PTPRZ1: variants seen among roughly 807,000 people sequenced by gnomAD.
PTPRZ1 encodes the protein protein tyrosine phosphatase receptor type Z1, also known as receptor-type tyrosine-protein phosphatase zeta.
In PTPRZ1, 82 loss-of-function variants were observed where a neutral mutation model predicts 214.1. The ratio of observed to expected loss-of-function variants is 0.38; its 90% CI spans 0.32 to 0.46. PTPRZ1 has a LOEUF of 0.46. Among genes scored for constraint, PTPRZ1 ranks in the 20% least tolerant of loss-of-function variants. The pLI, the probability that PTPRZ1 is intolerant of heterozygous loss-of-function variation, is 1.00. For missense variants in PTPRZ1, 2,603 were observed against 2,748.7 expected, an observed-to-expected ratio of 0.95 and a Z score of 1.19; for synonymous variants, 945 against 987.9, an observed-to-expected ratio of 0.96 and a Z score of 0.81.
rs1463116139 is a variant in PTPRZ1 at position 121,909,943 on chromosome 7, A to G, written c.59-18213A>G. Among the ~76,000 whole-genome samples the G allele has an allele frequency of 2.0e-5, 3 of 152,326 alleles. No individual in the cohort carries two copies. The East Asian group carries it at 5.8e-4, about 29-fold the overall frequency. On this transcript the variant is annotated intron_variant, in intron 1 of 29. Transcript: ENST00000393386. ...GTCTGGCAGTAGTCCTTGAAGTTTT[A>G]AACTACATGCATGTCTAACAAAAAA...
chr7:121,965,385 T>C (rs1383199897), intron 2 of PTPRZ1, among the ~76,000 whole-genome samples: 1 of 152,182 alleles, frequency 6.6e-6, no homozygotes, highest in East Asian at 1.9e-4. Flanking sequence ...TTTGTTTCAC[T>C]GGTTGGGTGT....
chr7:122,028,512 A>G lies in PTPRZ1; in HGVS notation c.4989-40A>G, dbSNP rs539709583. The G allele has an allele frequency of 7.8e-6, 11 of 1,406,938 alleles. No individual in the cohort carries two copies. The East Asian group carries it at 9.2e-5, about 12-fold the overall frequency. The allele number at this position is 1,406,938 out of a possible 1,614,324, so 87.2% of individuals were successfully genotyped here. On this transcript the variant is annotated intron_variant, in intron 13 of 29. Coordinates refer to ENST00000393386, the MANE Select transcript of PTPRZ1 (RefSeq NM_002851.3). ...CAGCTCAGAAATTGTCTTATTTTCC[A>G]TAGCAACTAGTAGTATAAATTGTGT...
At chr7:121,941,036 C>T (rs924504159) in intron 2 of PTPRZ1, among the ~76,000 whole-genome samples, 3 of 152,194 alleles carry the variant, frequency 2.0e-5, no homozygotes, top group African/African-American at 7.2e-5. Context: ...CAGAGCACAT[C>T]CCTTGCTTTC....
rs186068548 is a variant in PTPRZ1, at chr7:121,988,944, G to A, written c.928+4827G>A. Among the ~76,000 whole-genome samples, 110 of 152,102 alleles carry A rather than the reference G, an allele frequency of 7.2e-4. 1 individual carries two copies. In the East Asian group the frequency reaches 0.017, roughly 23 times the overall value. On this transcript the variant is annotated intron_variant, in intron 8 of 29. Transcript: ENST00000393386. ...ATGTTCAAAATTAAAGATCATTCCA[G>A]GAAAAGAAAGATTCTAATTTTAAAA...
intron 13 of PTPRZ1, among the ~76,000 whole-genome samples, chr7:122,021,590 A>G (rs1037656023): frequency 3.3e-5 from 5 of 151,992 alleles, no homozygotes; most frequent in Admixed American, 6.6e-5. Context: ...AAAAATAAAC[A>G]ATTTAGCTGG....
chr7:122,037,167 C>T (rs1478650431), intron 18 of PTPRZ1, among the ~76,000 whole-genome samples: 6 of 151,618 alleles, frequency 4.0e-5, no homozygotes, highest in Admixed American at 6.6e-5. Context: ...CCCAGCTACT[C>T]GGGAGGCTGA....
Position 122,034,185 on chromosome 7 carries a change from A to C in PTPRZ1, c.5187+70A>C, listed in dbSNP as rs1017927889. The C allele has an allele frequency of 2.6e-6, 4 of 1,564,688 alleles. No individual in the cohort carries two copies. The African/African-American group carries it at 5.5e-5, about 21-fold the overall frequency. Reference sequence around the variant, plus strand: ...TGTAACTTTTAAAAAATTTCATTTGATAGATTATTTTGTTTGTTTTGTCTT... The same window carrying C: ...TGTAACTTTTAAAAAATTTCATTTGCTAGATTATTTTGTTTGTTTTGTCTT... On this transcript the variant is annotated intron_variant, in intron 16 of 29. Transcript: ENST00000393386.
At chr7:121,913,809 TC>T (rs1352494405) in intron 1 of PTPRZ1, among the ~76,000 whole-genome samples, 1 of 152,176 alleles carries the variant, frequency 6.6e-6, no homozygotes, top group East Asian at 1.9e-4. Flanking sequence ...TATTTAATGT[TC>T]AACCAAAAGA....
chr7:121,975,176 G>A (rs2116538898), intron 4 of PTPRZ1, among the ~76,000 whole-genome samples: 1 of 152,238 alleles, frequency 6.6e-6, no homozygotes, highest in South Asian at 2.1e-4. Flanking sequence ...GACAGAGTGA[G>A]ACCCCCTCTC....
intron 1 of PTPRZ1, chr7:121,909,017 A>G (rs1341283426): frequency 4.0e-6 from 2 of 499,776 alleles, no homozygotes; most frequent in South Asian, 1.5e-5. Flanking sequence ...GATGTATTAG[A>G]TATATGTGCT....
chr7:121,934,967 C>T (rs1032542871), intron 2 of PTPRZ1, among the ~76,000 whole-genome samples: 3 of 150,646 alleles, frequency 2.0e-5, no homozygotes, highest in African/African-American at 4.9e-5. Flanking sequence ...TAGGTGTTCT[C>T]ACCACACACA....
At position 121,976,841 on chromosome 7, in the gene PTPRZ1, T is replaced by C. The variant is rs751422926; in HGVS notation, c.609T>C (p.Val203=). 6.2e-7 allele frequency: 1 copy of C among 1,610,758 alleles called. No individual in the cohort carries two copies. The highest frequency in any genetic ancestry group is 1.1e-5 in the South Asian group (1 of 90,558). The part of the protein sequence containing the change: ...FKAIIDGVES[V]SRFGKQAALD... The stretch of plus-strand genomic sequence containing the variant: ...CGATTATTGATGGAGTCGAAAGTGT[T>C]AGTCGTTTTGGTAAGCTACTTGGGG... Residue 203 remains valine (V), a synonymous_variant, in exon 6 of 30, where the codon GTT becomes GTC. Transcript: ENST00000393386.
chr7:121,908,922 T>C (rs190609313), intron 1 of PTPRZ1: 1 of 517,090 alleles, frequency 1.9e-6, no homozygotes, highest in African/African-American at 1.9e-5. Flanking sequence ...GAATATCTCA[T>C]GGGAATTCAT....
In PTPRZ1 at chr7:122,010,867, T is replaced by C. The variant is rs754475015; in HGVS notation, c.1821T>C (p.Tyr607=). ...PFISENISQG[Y]IFSSENPETI... The stretch of plus-strand genomic sequence containing the variant: ...TCTCTGAGAACATATCCCAAGGGTA[T>C]ATATTTTCCTCCGAAAACCCAGAGA... Residue 607 remains tyrosine, a synonymous_variant, in exon 12 of 30, where the codon TAT becomes TAC. Transcript: ENST00000393386. The C allele has an allele frequency of 2.7e-5, 44 of 1,613,980 alleles. No individual in the cohort carries two copies. The highest frequency in any genetic ancestry group is 1.9e-5 in the Non-Finnish European group (22 of 1,180,008).
rs376610154 is a variant in PTPRZ1 at position 121,996,494 on chromosome 7, A to T, written c.1041A>T (p.Ala347=). Residue 347 remains alanine (A), a synonymous_variant, in exon 9 of 30, where the codon GCA becomes GCT. Transcript: ENST00000393386. ...ATGATACCATGATTGAGAAGTTTGC[A>T]GTTTTGTACCAGCAGTTGGATGGAG... ...VVYDTMIEKF[A]VLYQQLDGED... The T allele has an allele frequency of 8.1e-6, 13 of 1,613,070 alleles. No individual in the cohort carries two copies. The African/African-American group carries it at 1.5e-4, about 18-fold the overall frequency.
chr7:121,925,525 T>C (rs1795729709), intron 1 of PTPRZ1, among the ~76,000 whole-genome samples: 1 of 152,148 alleles, frequency 6.6e-6, no homozygotes, highest in Admixed American at 6.5e-5. Context: ...AAACAAAAAT[T>C]GCACCAAAGT....
Position 122,012,797 on chromosome 7 carries a change from C to A in PTPRZ1, c.3751C>A (p.His1251Asn), listed in dbSNP as rs1478446884. The A allele has an allele frequency of 6.2e-7, 1 of 1,611,246 alleles. No individual in the cohort carries two copies. The highest frequency in any genetic ancestry group is 1.7e-5 in the Admixed American group (1 of 59,992). Residue 1251 changes from histidine to asparagine, a missense_variant, in exon 12 of 30, where the codon CAT (histidine) becomes AAT (asparagine). Coordinates refer to ENST00000393386, the MANE Select transcript of PTPRZ1 (RefSeq NM_002851.3). ...VPVFDVSPTS[H>N]MHSASLQGLT... Reference sequence around the variant, plus strand: ...AGTTTTTGATGTGTCGCCTACTTCTCATATGCACTCTGCTTCACTTCAAGG... The same window carrying A: ...AGTTTTTGATGTGTCGCCTACTTCTAATATGCACTCTGCTTCACTTCAAGG...
chr7:121,881,725 G>A (rs879749238), intron 1 of PTPRZ1, among the ~76,000 whole-genome samples: 1 of 152,110 alleles, frequency 6.6e-6, no homozygotes, highest in Non-Finnish European at 1.5e-5. Flanking sequence ...GTCTTTTAAA[G>A]CCAGGGAAAC....
intron 20 of PTPRZ1, 71 bp from the exon 21 acceptor site, chr7:122,040,744 GT>G (rs1799701420): frequency 1.1e-5 from 4 of 366,808 alleles, no homozygotes; most frequent in Non-Finnish European, 1.7e-5. Context: ...GTGTGTGTGT[GT>G]GTGTGTGTGT....
Sources: gnomAD v4.1 joint callset for allele counts (sites outside exome capture counted in the v4.1 genomes callset) on GRCh38, gnomAD v4.1.1 for gene constraint, MANE v1.5 for transcripts, NCBI Gene and HGNC (gene_info 2026-07-23, HGNC 2026-07-21) for gene names.